Variants in STRN observed in about 807,000 individuals in gnomAD.
STRN encodes striatin.
STRN carries 53 observed loss-of-function variants against 96.3 expected under a neutral mutation model. The observed-to-expected ratio is 0.55, with a 90% confidence interval of 0.44 to 0.69. STRN has a LOEUF of 0.69. Ranked by LOEUF, STRN falls within the 30% of genes least tolerant of loss-of-function variation. The probability of loss-of-function intolerance (pLI) is 0.00; values close to 1 mark genes in which losing one functional copy is unlikely to be tolerated. For synonymous variants in STRN, 428 were observed against 355.9 expected (o/e 1.20, Z -2.28); for missense variants, 987 against 963.9 (o/e 1.02, Z -0.32).
chr2:36,915,244 TA>T (rs1670064357), intron 3 of STRN, among the ~76,000 whole-genome samples: 1 of 99,276 alleles, frequency 1.0e-5, no homozygotes, highest in South Asian at 3.2e-4. Context: ...TATATATATA[TA>T]TATATATATA....
chr2:36,892,147 A>G (rs1164805373), intron 7 of STRN, among the ~76,000 whole-genome samples: 1 of 152,230 alleles, frequency 6.6e-6, no homozygotes, highest in Admixed American at 6.5e-5. Flanking sequence ...TATCCTAAGT[A>G]AATTAACATA....
intron 1 of STRN, among the ~76,000 whole-genome samples, chr2:36,933,839 G>A (rs1260813243): frequency 6.6e-6 from 1 of 152,212 alleles, no homozygotes; most frequent in African/African-American, 2.4e-5. Context: ...GCTGGGCACG[G>A]TGGCTTAACC....
At chr2:36,863,257 A>G (rs1429177749) in intron 12 of STRN, among the ~76,000 whole-genome samples, 1 of 151,832 alleles carries the variant, frequency 6.6e-6, no homozygotes. Context: ...TTGCCAGGGC[A>G]TATGTCTAGA....
chr2:36,871,743 T>A (rs930408609), intron 10 of STRN, among the ~76,000 whole-genome samples: 18 of 152,206 alleles, frequency 1.2e-4, no homozygotes, highest in Non-Finnish European at 1.5e-5. Flanking sequence ...AGTAACAGTA[T>A]CTCTACTTTA....
At chr2:36,857,555 G>C (rs1409891719) in intron 14 of STRN, among the ~76,000 whole-genome samples, 1 of 151,914 alleles carries the variant, frequency 6.6e-6, no homozygotes, top group Non-Finnish European at 1.5e-5. Context: ...GTGTGTGCTG[G>C]AGGCTGAGGC....
intron 4 of STRN, among the ~76,000 whole-genome samples, chr2:36,903,944 G>C (rs1669753034): frequency 6.6e-6 from 1 of 152,102 alleles, no homozygotes. Context: ...ACAAATACCT[G>C]TTTCAAAACT....
chr2:36,910,738 AT>A (rs1232701474), intron 3 of STRN, among the ~76,000 whole-genome samples: 6 of 152,252 alleles, frequency 3.9e-5, no homozygotes, highest in Admixed American at 6.5e-5. Context: ...AACCATATCA[AT>A]AATCATAAGT....
chr2:36,899,643 T>C lies in STRN; in HGVS notation c.675A>G (p.Thr225=). The C allele has an allele frequency of 2.5e-6, 4 of 1,609,588 alleles. No homozygotes were observed. The highest frequency in any genetic ancestry group is 3.4e-6 in the Non-Finnish European group (4 of 1,178,034). ...AATTATCCAGCACGGAGGCAGAATC[T>C]GTTAACTCAGATTTTCTGGTGTAAA... is the stretch of plus-strand genomic sequence containing the variant. ...ETAMIAKSEL[T]DSASVLDNFK... The change falls in exon 6 of 18, where the codon ACA becomes ACG. Residue 225 remains threonine (T), a synonymous_variant. Coordinates refer to ENST00000263918, the MANE Select transcript of STRN (RefSeq NM_003162.4).
At chr2:36,926,274 G>T (rs1670407309) in intron 1 of STRN, among the ~76,000 whole-genome samples, 1 of 152,126 alleles carries the variant, frequency 6.6e-6, no homozygotes, top group African/African-American at 2.4e-5. Context: ...TTTCACATAA[G>T]AAATTGAAAC....
rs561954364 is a variant in STRN, at chr2:36,873,343, G to C, written c.1324-3614C>G. On this transcript the variant is annotated intron_variant, in intron 10 of 17. Transcript: ENST00000263918. ...GATGTAAGACAATATAACTGAAAAT[G>C]AGCAGAAACAACACATAACAGTAAA... Among the ~76,000 whole-genome samples, 3 of 152,290 alleles carry C rather than the reference G, an allele frequency of 2.0e-5. No homozygotes were observed. In the East Asian group the frequency reaches 5.8e-4, roughly 29 times the overall value.
chr2:36,880,221 G>C lies in STRN; in HGVS notation c.1187-2194C>G, dbSNP rs560925190. ...GACCTCAAGCGATCTCCCTGCCTTG[G>C]CCTCCCAAAGTGTTGGGATTACAGG... On this transcript the variant is annotated intron_variant, in intron 9 of 17. Transcript: ENST00000263918. Among the ~76,000 whole-genome samples, 363 of 152,326 alleles carry C rather than the reference G, an allele frequency of 2.4e-3. 4 individuals are homozygous for C. The highest frequency in any genetic ancestry group is 8.5e-3 in the African/African-American group (353 of 41,586).
At chr2:36,865,490 T>C (rs887378870) in intron 12 of STRN, among the ~76,000 whole-genome samples, 3 of 152,122 alleles carry the variant, frequency 2.0e-5, no homozygotes, top group Non-Finnish European at 4.4e-5. Flanking sequence ...AGCTCTGAGT[T>C]TGGTTATTTC....
Position 36,908,844 on chromosome 2 carries a change from G to A in STRN, c.413-3226C>T, listed in dbSNP as rs150323315. The stretch of plus-strand genomic sequence containing the variant: ...CAAAAGTTAGTTGGAGGCTGGGTGC[G>A]GTGGCTCGTGCCTGTAATCCCAACT... On this transcript the variant is annotated intron_variant, in intron 3 of 17. Transcript: ENST00000263918. Among the ~76,000 whole-genome samples the A allele has an allele frequency of 4.3e-3, 655 of 152,118 alleles. 8 individuals carry two copies. The highest frequency in any genetic ancestry group is 0.015 in the African/African-American group (617 of 41,504).
intron 3 of STRN, among the ~76,000 whole-genome samples, chr2:36,915,153 T>C (rs1351967016): frequency 2.4e-4 from 34 of 144,324 alleles, no homozygotes; most frequent in East Asian, 1.3e-3. Flanking sequence ...GCCGAGATCA[T>C]GCCGCTGCAC....
At position 36,841,058 on chromosome 2, in the gene STRN, C is replaced by T. The variant is rs1422135123; in HGVS notation, c.*8398G>A. ...ACAACCTTCAAGTTCAAAATTTCTA[C>T]CTCCAGAAAGCAATGATGTTTCTAA... On this transcript the variant is annotated 3_prime_UTR_variant, in exon 18 of 18. Transcript: ENST00000263918. 14 of 152,110 alleles carry T rather than the reference C, an allele frequency of 9.2e-5. No homozygotes were observed. The highest frequency in any genetic ancestry group is 9.2e-4 in the Admixed American group (14 of 15,272). 9.4% of individuals were successfully genotyped at this position (152,110 alleles called of 1,614,324 possible).
chr2:36,883,043 A>C (rs775636897), intron 9 of STRN, among the ~76,000 whole-genome samples: 3 of 152,244 alleles, frequency 2.0e-5, no homozygotes, highest in Non-Finnish European at 4.4e-5. Context: ...ATACAATCTT[A>C]AAATTATCAT....
chr2:36,898,096 T>C (rs1669591726), intron 6 of STRN, among the ~76,000 whole-genome samples: 1 of 152,208 alleles, frequency 6.6e-6, no homozygotes, highest in South Asian at 2.1e-4. Context: ...AGATCATATG[T>C]AACAGTTTTA....
At chr2:36,917,103 C>CAAT (rs58999294) in intron 2 of STRN, among the ~76,000 whole-genome samples, 20,098 of 145,826 alleles carry the variant, frequency 0.14, 2,885 homozygotes, top group African/African-American at 0.37. Flanking sequence ...ATATAAACAA[C>CAAT]AATTTGAAAA....
chr2:36,949,567 T>C (rs1664701457), intron 1 of STRN, among the ~76,000 whole-genome samples: 1 of 152,184 alleles, frequency 6.6e-6, no homozygotes, highest in Non-Finnish European at 1.5e-5. Flanking sequence ...AGGGAAGAAG[T>C]AGTACTAGTA....
Sources: gnomAD v4.1 joint callset for allele counts (sites outside exome capture counted in the v4.1 genomes callset) on GRCh38, gnomAD v4.1.1 for gene constraint, MANE v1.5 for transcripts, NCBI Gene and HGNC (gene_info 2026-07-23, HGNC 2026-07-21) for gene names.